The following TMX4 variants were observed in gnomAD, a reference collection of about 807,000 sequenced individuals.
The protein encoded by TMX4 is thioredoxin-related transmembrane protein 4.
Under a neutral mutation model 33.3 loss-of-function variants are expected in TMX4, and 23 were observed. The observed-to-expected ratio is 0.69, with a 90% CI of 0.50 to 0.98. TMX4 has a LOEUF of 0.98. Ranked by LOEUF, TMX4 falls within the 50% of genes least tolerant of loss-of-function variation. TMX4 has a pLI of 0.00. For missense variants in TMX4, 399 were observed against 448.9 expected (o/e 0.89, Z 1.01); for synonymous variants, 164 against 161.5 (o/e 1.02, Z -0.12).
chr20:8,009,861 T>TAAA (rs11289988), intron 2 of TMX4, among the ~76,000 whole-genome samples: 1,632 of 84,560 alleles, frequency 0.019, 31 homozygotes, highest in African/African-American at 0.051. Flanking sequence ...CAAAAAACTG[T>TAAA]AAAAAAAAAA....
intron 6 of TMX4, among the ~76,000 whole-genome samples, chr20:7,986,278 A>G (rs1443839725): frequency 6.6e-6 from 1 of 152,212 alleles, no homozygotes; most frequent in Non-Finnish European, 1.5e-5. Flanking sequence ...AGTTAACATC[A>G]GGAGCCAAGT....
intron 1 of TMX4, among the ~76,000 whole-genome samples, chr20:8,014,110 G>A (rs759067039): frequency 8.5e-5 from 13 of 152,138 alleles, no homozygotes; most frequent in Non-Finnish European, 1.8e-4. Context: ...TATTTCTTTG[G>A]ACAATAATTT....
chr20:8,014,784 G>T, intron 1 of TMX4, among the ~76,000 whole-genome samples: 1 of 152,274 alleles, frequency 6.6e-6, no homozygotes, highest in East Asian at 1.9e-4. Flanking sequence ...TAAAAGCTTG[G>T]ATGGGCCTTA....
chr20:7,985,257 G>GTATATA (rs200269653), intron 6 of TMX4, among the ~76,000 whole-genome samples: 14 of 130,816 alleles, frequency 1.1e-4, no homozygotes, highest in African/African-American at 3.4e-4. Flanking sequence ...GTGTGTGTGT[G>GTATATA]TATATATATA....
chr20:7,982,083 T>C lies in TMX4; in HGVS notation c.*168A>G, dbSNP rs993622311. The C allele has an allele frequency of 1.2e-5, 8 of 656,972 alleles. No individual in the cohort carries two copies. The highest frequency in any genetic ancestry group is 2.0e-5 in the Non-Finnish European group (8 of 393,288). 40.7% of individuals were successfully genotyped at this position (656,972 alleles called of 1,614,324 possible). A position where few individuals can be genotyped will look rare whatever the true frequency, so the allele number is the denominator to read the frequency against. On this transcript the variant is annotated 3_prime_UTR_variant, in exon 8 of 8. Transcript: ENST00000246024. ...ATCCTGATTGTCACACCTGGAAGAC[T>C]CTCCTTAGTATACATGAGGCTTACT...
chr20:8,015,718 T>G, intron 1 of TMX4, among the ~76,000 whole-genome samples: 1 of 152,164 alleles, frequency 6.6e-6, no homozygotes, highest in East Asian at 1.9e-4. Flanking sequence ...GGTAATGATG[T>G]TCAACACATT....
chr20:8,015,340 A>G (rs762535967), intron 1 of TMX4, among the ~76,000 whole-genome samples: 2 of 152,206 alleles, frequency 1.3e-5, no homozygotes, highest in Non-Finnish European at 2.9e-5. Context: ...TTGATGTCGC[A>G]TGACTGAGAC....
In TMX4 at chr20:7,999,737, A is replaced by G. The variant is rs375102033; in HGVS notation, c.462T>C (p.Ser154=). The change falls in exon 4 of 8, where the codon TCT becomes TCC. Residue 154 remains serine (S), a synonymous_variant. Transcript: ENST00000246024. The part of the protein sequence containing the change: ...EPLTGWKSPA[S]LTMSGMAGLF... Reference sequence around the variant, plus strand: ...GTCTTAAAAAATTGAGTTACGTTAGAGAAGCCGGGGATTTCCAGCCAGTCA... The same window carrying G: ...GTCTTAAAAAATTGAGTTACGTTAGGGAAGCCGGGGATTTCCAGCCAGTCA... The G allele has an allele frequency of 3.1e-6, 5 of 1,610,442 alleles. No homozygotes were observed. In the African/African-American group the frequency reaches 6.7e-5, roughly 22 times the overall value.
intron 5 of TMX4, among the ~76,000 whole-genome samples, chr20:7,989,483 CT>C (rs2050645168): frequency 6.6e-6 from 1 of 152,162 alleles, no homozygotes. Flanking sequence ...TGCATTCTGA[CT>C]CAAACACTTA....
chr20:8,019,358 A>G, intron 1 of TMX4, 80 bp downstream of exon 1: 1 of 1,437,136 alleles, frequency 7.0e-7, no homozygotes, highest in Non-Finnish European at 9.2e-7. Flanking sequence ...GCAATGCGGG[A>G]TCGCCACCGG....
At chr20:8,012,474 C>A (rs546851103) in intron 1 of TMX4, among the ~76,000 whole-genome samples, 2 of 152,126 alleles carry the variant, frequency 1.3e-5, no homozygotes, top group Non-Finnish European at 2.9e-5. Flanking sequence ...GTGCTTAAGA[C>A]CACTCAGAGC....
At chr20:8,017,320 ATGACCT>A (rs1371448938) in intron 1 of TMX4, among the ~76,000 whole-genome samples, 1 of 152,220 alleles carries the variant, frequency 6.6e-6, no homozygotes, top group African/African-American at 2.4e-5. Flanking sequence ...GTCTACTAAA[ATGACCT>A]TGTGTCTACA....
Position 7,979,278 on chromosome 20 carries a change from TATTAA to T in TMX4, c.*2968_*2972del, listed in dbSNP as rs1013261650. ...AACCTAAAATCTTCAAGTGGAAAGA[TATTAA>T]ATTAAATTTTGTTGGAAAAAAACCC... On this transcript the variant is annotated 3_prime_UTR_variant, in exon 8 of 8. Transcript: ENST00000246024. The T allele has an allele frequency of 6.6e-6, 1 of 152,152 alleles. No individual in the cohort carries two copies. Among genetic ancestry groups the T allele is most frequent in the Non-Finnish European group, 1.5e-5 (1 of 68,014 alleles). The allele number at this position is 152,152 out of a possible 1,614,324, so 9.4% of individuals were successfully genotyped here. A position where few individuals can be genotyped will look rare whatever the true frequency, so the allele number is the denominator to read the frequency against.
intron 1 of TMX4, among the ~76,000 whole-genome samples, chr20:8,012,500 G>A (rs939983354): frequency 1.3e-5 from 2 of 151,984 alleles, no homozygotes; most frequent in Non-Finnish European, 2.9e-5. Context: ...CACAGATGGA[G>A]GTATTTCTTT....
At chr20:8,010,036 C>T (rs1386432364) in intron 2 of TMX4, among the ~76,000 whole-genome samples, 164 bp downstream of exon 2, 1 of 151,794 alleles carries the variant, frequency 6.6e-6, no homozygotes, top group Non-Finnish European at 1.5e-5. Context: ...AACACATACA[C>T]GTAAAGACAG....
At chr20:8,005,454 T>C (rs117441340) in intron 2 of TMX4, among the ~76,000 whole-genome samples, 3,877 of 152,212 alleles carry the variant, frequency 0.025, 98 homozygotes, top group East Asian at 0.064. Flanking sequence ...ACATTGGAGA[T>C]GGGCAGGGAA....
At chr20:7,987,965 C>T (rs1268878641) in intron 5 of TMX4, among the ~76,000 whole-genome samples, 1 of 152,130 alleles carries the variant, frequency 6.6e-6, no homozygotes, top group African/African-American at 2.4e-5. Context: ...TTCCAGCAGT[C>T]TTTGAATAGA....
Position 7,980,607 on chromosome 20 carries a change from A to C in TMX4, c.*1644T>G, listed in dbSNP as rs954379944. 3.3e-5 allele frequency: 5 copies of C among 152,280 alleles called. No individual in the cohort carries two copies. The highest frequency in any genetic ancestry group is 1.2e-4 in the African/African-American group (5 of 41,456). 9.4% of individuals were successfully genotyped at this position (152,280 alleles called of 1,614,324 possible). On this transcript the variant is annotated 3_prime_UTR_variant, in exon 8 of 8. Transcript: ENST00000246024. ...ATGGCCTCGATTTTGAAGCTGCACT[A>C]CTGTCTGAAAAGCACAATTACTGGT...
At chr20:8,019,248 C>T in intron 1 of TMX4, 190 bp downstream of exon 1, 2 of 664,110 alleles carry the variant, frequency 3.0e-6, no homozygotes, top group Non-Finnish European at 2.3e-6. Flanking sequence ...CCGCGGACCC[C>T]AGGTCGAGCC....
Sources: gnomAD v4.1 joint callset for allele counts (sites outside exome capture counted in the v4.1 genomes callset) on GRCh38, gnomAD v4.1.1 for gene constraint, MANE v1.5 for transcripts, NCBI Gene and HGNC (gene_info 2026-07-23, HGNC 2026-07-21) for gene names.